CDH12: variants seen among roughly 807,000 people sequenced by gnomAD.
CDH12 encodes the protein cadherin-12.
Under a neutral mutation model 74.1 loss-of-function variants are expected in CDH12, and 41 were observed. The observed-to-expected ratio is 0.55, with a 90% CI of 0.43 to 0.72. CDH12 has a LOEUF of 0.72. CDH12 is among the 30% of genes least tolerant of loss of function. The probability of loss-of-function intolerance (pLI) is 0.00; values close to 1 mark genes in which losing one functional copy is unlikely to be tolerated. For synonymous variants in CDH12, 399 were observed against 355.0 expected (o/e 1.12, Z -1.39); for missense variants, 945 against 977.2 (o/e 0.97, Z 0.44).
At chr5:22,526,908 C>A (rs1580734114) in intron 1 of CDH12, among the ~76,000 whole-genome samples, 1 of 152,198 alleles carries the variant, frequency 6.6e-6, no homozygotes. Context: ...ATGTGTATTC[C>A]AATTATTCAT....
chr5:22,269,477 T>C (rs1278073764), intron 3 of CDH12, among the ~76,000 whole-genome samples: 2 of 152,194 alleles, frequency 1.3e-5, no homozygotes, highest in Admixed American at 6.5e-5. Context: ...TTTCTCCATA[T>C]ATAGACTCTT....
intron 4 of CDH12, among the ~76,000 whole-genome samples, chr5:22,133,705 T>C (rs1261036385): frequency 2.0e-5 from 3 of 152,108 alleles, no homozygotes; most frequent in South Asian, 2.1e-4. Context: ...ATAAGTAAAA[T>C]GGTTAAATTT....
chr5:22,779,157 G>A (rs1004433632), intron 1 of CDH12, among the ~76,000 whole-genome samples: 14 of 151,854 alleles, frequency 9.2e-5, no homozygotes, highest in African/African-American at 3.4e-4. Flanking sequence ...TCTCTACCTT[G>A]GGATCTAAAT....
chr5:21,874,221 C>A (rs1325499351), intron 6 of CDH12, among the ~76,000 whole-genome samples: 2 of 152,166 alleles, frequency 1.3e-5, no homozygotes, highest in African/African-American at 4.8e-5. Context: ...CATAAACAGA[C>A]ACTTCTCAAA....
At chr5:22,259,211 A>G (rs1753428152) in intron 3 of CDH12, among the ~76,000 whole-genome samples, 1 of 152,174 alleles carries the variant, frequency 6.6e-6, no homozygotes, top group African/African-American at 2.4e-5. Flanking sequence ...TATGAGAAGT[A>G]CTTATCTAAT....
chr5:21,846,179 C>T (rs947374942), intron 7 of CDH12, among the ~76,000 whole-genome samples: 18 of 152,136 alleles, frequency 1.2e-4, no homozygotes, highest in African/African-American at 3.9e-4. Context: ...ACCAGTTTTT[C>T]GCACCTTATG....
intron 1 of CDH12, among the ~76,000 whole-genome samples, chr5:22,551,865 T>A (rs1738588219): frequency 6.6e-6 from 1 of 152,220 alleles, no homozygotes; most frequent in South Asian, 2.1e-4. Context: ...ACATTAAATA[T>A]GTTTATTAGA....
chr5:22,208,145 A>C (rs1204299900), intron 4 of CDH12, among the ~76,000 whole-genome samples: 1 of 152,184 alleles, frequency 6.6e-6, no homozygotes, highest in Admixed American at 6.5e-5. Context: ...CAGCCACTAA[A>C]CATTACTGCC....
At chr5:22,432,765 A>G (rs949239208) in intron 2 of CDH12, among the ~76,000 whole-genome samples, 15 of 152,128 alleles carry the variant, frequency 9.9e-5, no homozygotes, top group Non-Finnish European at 1.5e-4. Context: ...CCAAAGTGAT[A>G]CCTTTTTATA....
intron 1 of CDH12, among the ~76,000 whole-genome samples, chr5:22,676,315 T>C (rs1741187299): frequency 6.6e-6 from 1 of 152,172 alleles, no homozygotes; most frequent in Non-Finnish European, 1.5e-5. Flanking sequence ...CAGCCCTAAA[T>C]ATCCTGTCAT....
intron 5 of CDH12, among the ~76,000 whole-genome samples, chr5:22,037,671 T>C (rs184234234): frequency 2.2e-3 from 328 of 152,230 alleles, no homozygotes; most frequent in Non-Finnish European, 3.5e-3. Context: ...AACTCACCGG[T>C]ATTAGAAAGT....
At chr5:22,847,136 A>G (rs1473020905) in intron 1 of CDH12, among the ~76,000 whole-genome samples, 1 of 152,164 alleles carries the variant, frequency 6.6e-6, no homozygotes, top group Non-Finnish European at 1.5e-5. Context: ...CAAATCCTGG[A>G]TAGTTATTAA....
chr5:22,112,781 T>G (rs1744886969), intron 4 of CDH12, among the ~76,000 whole-genome samples: 1 of 152,196 alleles, frequency 6.6e-6, no homozygotes, highest in Non-Finnish European at 1.5e-5. Flanking sequence ...TCCCTGCACA[T>G]GATTACCCAC....
intron 1 of CDH12, among the ~76,000 whole-genome samples, chr5:22,726,145 A>G (rs6452092): frequency 0.82 from 124,458 of 151,506 alleles, 51,298 homozygotes; most frequent in Non-Finnish European, 0.86. Context: ...CATCATGATA[A>G]TATCATACAG....
At chr5:22,306,049 G>T (rs1738092290) in intron 3 of CDH12, among the ~76,000 whole-genome samples, 1 of 151,872 alleles carries the variant, frequency 6.6e-6, no homozygotes, top group African/African-American at 2.4e-5. Context: ...CAATTGAACT[G>T]TTATAATTCT....
intron 1 of CDH12, among the ~76,000 whole-genome samples, chr5:22,643,286 G>A (rs943428994): frequency 6.6e-6 from 1 of 152,000 alleles, no homozygotes; most frequent in African/African-American, 2.4e-5. Flanking sequence ...CATTAATGTC[G>A]ACTTACTATT....
intron 1 of CDH12, among the ~76,000 whole-genome samples, chr5:22,536,033 G>C (rs958752708): frequency 6.6e-6 from 1 of 152,178 alleles, no homozygotes; most frequent in South Asian, 2.1e-4. Flanking sequence ...GTATATGGGA[G>C]GATGTGTAGG....
chr5:22,638,230 A>C (rs929792516), intron 1 of CDH12, among the ~76,000 whole-genome samples: 1 of 152,198 alleles, frequency 6.6e-6, no homozygotes, highest in Non-Finnish European at 1.5e-5. Flanking sequence ...GTGAAGTCCC[A>C]CAATAGGCCA....
intron 3 of CDH12, among the ~76,000 whole-genome samples, chr5:22,357,740 G>C (rs181446611): frequency 6.6e-6 from 1 of 152,126 alleles, no homozygotes; most frequent in Non-Finnish European, 1.5e-5. Context: ...CCAAAAAAAT[G>C]ATCAATTTTT....
Sources: gnomAD v4.1 joint callset for allele counts (sites outside exome capture counted in the v4.1 genomes callset) on GRCh38, gnomAD v4.1.1 for gene constraint, MANE v1.5 for transcripts, NCBI Gene and HGNC (gene_info 2026-07-23, HGNC 2026-07-21) for gene names.